The following CYFIP1 variants were observed in gnomAD, a reference collection of about 807,000 sequenced individuals.
CYFIP1 encodes the protein cytoplasmic FMR1 interacting protein 1, also known as cytoplasmic FMR1-interacting protein 1.
A neutral mutation model predicts 163.5 loss-of-function variants in CYFIP1; 58 were observed. That is an observed-to-expected ratio of 0.35 (90% CI 0.29 to 0.44). The LOEUF is 0.44. Ranked by LOEUF, CYFIP1 falls within the 20% of genes least tolerant of loss-of-function variation. The pLI, the probability that CYFIP1 is intolerant of heterozygous loss-of-function variation, is 1.00. For synonymous variants in CYFIP1, 663 were observed against 660.7 expected (o/e 1.00, Z -0.05); for missense variants, 1,338 against 1,653.8 (o/e 0.81, Z 3.31).
In CYFIP1 at chr15:22,878,863, G is replaced by A. The variant is rs543224122; in HGVS notation, c.3042+1050C>T. On this transcript the variant is annotated intron_variant, in intron 26 of 30. Coordinates refer to ENST00000617928, the MANE Select transcript of CYFIP1 (RefSeq NM_014608.6). ...GAAAAATAGGCAAAAGAGGCCGGGC[G>A]CAGTGGCTCACGCCTGTAATCCCAG... 1.0e-3 allele frequency among the ~76,000 whole-genome samples: 154 copies of A among 152,266 alleles called. 2 individuals carry two copies. Among genetic ancestry groups the A allele is most frequent in the African/African-American group, 3.6e-3 (150 of 41,564 alleles).
At chr15:22,969,960 A>C (rs1241420964) in intron 1 of CYFIP1, among the ~76,000 whole-genome samples, 1 of 152,158 alleles carries the variant, frequency 6.6e-6, no homozygotes, top group Non-Finnish European at 1.5e-5. Flanking sequence ...AACACATGAA[A>C]CTCTGGATGA....
intron 12 of CYFIP1, among the ~76,000 whole-genome samples, 189 bp downstream of exon 12, chr15:22,927,717 A>T (rs185003380): frequency 0.1 from 15,709 of 151,932 alleles, 1,070 homozygotes; most frequent in Middle Eastern, 0.19. Context: ...GATTTTTTTT[A>T]AAAAGGAGGC....
intron 25 of CYFIP1, among the ~76,000 whole-genome samples, chr15:22,880,320 G>A (rs556893120): frequency 3.9e-5 from 6 of 152,308 alleles, no homozygotes; most frequent in East Asian, 1.9e-4. Flanking sequence ...GATAGGAAAC[G>A]TCACCACATG....
At chr15:22,925,272 A>G (rs944705143) in intron 13 of CYFIP1, among the ~76,000 whole-genome samples, 2 of 152,176 alleles carry the variant, frequency 1.3e-5, no homozygotes, top group African/African-American at 4.8e-5. Flanking sequence ...AAGGAAGTCT[A>G]GGAGACAGAA....
chr15:22,978,819 T>C (rs1197899608), intron 1 of CYFIP1, among the ~76,000 whole-genome samples: 1 of 151,984 alleles, frequency 6.6e-6, no homozygotes, highest in African/African-American at 2.4e-5. Context: ...CAAGCCCACA[T>C]GTGACATTCT....
At chr15:22,934,348 A>G (rs8043426) in intron 9 of CYFIP1, among the ~76,000 whole-genome samples, 147,317 of 149,848 alleles carry the variant, frequency 0.98, 72,430 homozygotes, top group Middle Eastern at 1. Context: ...CACCACACCC[A>G]GCTAATTTTT....
rs2061345749 is a variant in CYFIP1, at chr15:22,925,989, A to G, written c.1352T>C (p.Leu451Pro). 1 of 1,613,606 alleles carries G rather than the reference A, an allele frequency of 6.2e-7. No individual in the cohort carries two copies. Among genetic ancestry groups the G allele is most frequent in the Non-Finnish European group, 8.5e-7 (1 of 1,179,732 alleles). ...YNYTSEEKFA[L>P]VEVIAMIKGL... The stretch of plus-strand genomic sequence containing the variant: ...GCGGCCGAGCATCCTCACCTCCACT[A>G]GGGCAAACTTCTCCTCGCTGGTGTA... The change falls in exon 13 of 31, where the codon CTA becomes CCA. Residue 451 changes from leucine to proline, a missense_variant. By Grantham distance (98) the Leu-to-Pro change is moderately conservative. Coordinates refer to ENST00000617928, the MANE Select transcript of CYFIP1 (RefSeq NM_014608.6).
In CYFIP1 at chr15:22,867,361, CTGAA is replaced by C. The variant is rs2059172591; in HGVS notation, c.*2663_*2666del. Reference sequence around the variant, plus strand: ...TATTTATTAAGGGAAAACTAAGTTACTGAATGAAGGAACCTCTTTCTTACAAAAC... The same window carrying C: ...TATTTATTAAGGGAAAACTAAGTTACTGAAGGAACCTCTTTCTTACAAAAC... On this transcript the variant is annotated 3_prime_UTR_variant, in exon 31 of 31. Coordinates refer to ENST00000617928, the MANE Select transcript of CYFIP1 (RefSeq NM_014608.6). The C allele has an allele frequency of 2.5e-6, 1 of 393,718 alleles. No homozygotes were observed. Among genetic ancestry groups the C allele is most frequent in the Non-Finnish European group, 4.5e-6 (1 of 223,668 alleles). 24.4% of individuals were successfully genotyped at this position (393,718 alleles called of 1,614,324 possible).
chr15:22,951,525 C>T, intron 1 of CYFIP1: 1 of 1,287,974 alleles, frequency 7.8e-7, no homozygotes, highest in Non-Finnish European at 1.0e-6. Context: ...CCCATAGGGG[C>T]TGCCCGTGTC....
At chr15:22,942,866 A>T (rs975701455) in intron 6 of CYFIP1, among the ~76,000 whole-genome samples, 2 of 152,194 alleles carry the variant, frequency 1.3e-5, no homozygotes, top group Non-Finnish European at 2.9e-5. Context: ...GTGCTCTGTG[A>T]GCTAGGCCTA....
At chr15:22,977,191 C>A (rs2063310061) in intron 1 of CYFIP1, among the ~76,000 whole-genome samples, 1 of 151,444 alleles carries the variant, frequency 6.6e-6, no homozygotes, top group Non-Finnish European at 1.5e-5. Context: ...AAGAATGAAA[C>A]TCTGTCTCAA....
chr15:22,914,776 G>T lies in CYFIP1; in HGVS notation c.1935C>A (p.Pro645=). 6.2e-7 allele frequency: 1 copy of T among 1,613,924 alleles called. No individual in the cohort carries two copies. Among genetic ancestry groups the T allele is most frequent in the Non-Finnish European group, 8.5e-7 (1 of 1,179,908 alleles). ...RIQFPIEMSM[P]WILTDHILET... ...CCAGGATGTGGTCCGTCAGGATCCAGGGCATCGACATCTCAATGGGGAACT... is the reference window on the plus strand; with the variant it reads ...CCAGGATGTGGTCCGTCAGGATCCATGGCATCGACATCTCAATGGGGAACT... Residue 645 remains proline (P), a synonymous_variant, in exon 17 of 31, where the codon CCC becomes CCA. Coordinates refer to ENST00000617928, the MANE Select transcript of CYFIP1 (RefSeq NM_014608.6).
chr15:22,958,632 G>A (rs1342924686), intron 1 of CYFIP1, among the ~76,000 whole-genome samples: 1 of 152,280 alleles, frequency 6.6e-6, no homozygotes, highest in African/African-American at 2.4e-5. Context: ...GGTCTCCCAA[G>A]ACCAAGTGGT....
chr15:22,886,565 T>C (rs984261035), intron 23 of CYFIP1, among the ~76,000 whole-genome samples: 1 of 152,228 alleles, frequency 6.6e-6, no homozygotes, highest in Non-Finnish European at 1.5e-5. Flanking sequence ...AAAAGTGTGC[T>C]AATTTCCGAG....
At chr15:22,941,304 CT>C (rs1271966492) in intron 6 of CYFIP1, among the ~76,000 whole-genome samples, 5 of 152,070 alleles carry the variant, frequency 3.3e-5, no homozygotes, top group African/African-American at 1.2e-4. Flanking sequence ...TCAAGTGATC[CT>C]TCTGCCTCAG....
intron 4 of CYFIP1, 29 bp downstream of exon 4, chr15:22,944,833 G>A (rs777532392): frequency 6.2e-7 from 1 of 1,608,322 alleles, no homozygotes; most frequent in Non-Finnish European, 8.5e-7. Context: ...GGGTGTGGCT[G>A]GAGGGGAAGA....
chr15:22,973,994 G>C (rs552583677), intron 1 of CYFIP1, among the ~76,000 whole-genome samples: 1 of 152,300 alleles, frequency 6.6e-6, no homozygotes, highest in Admixed American at 6.5e-5. Flanking sequence ...ACACCTGTCA[G>C]ACTGGCTCTT....
intron 1 of CYFIP1, among the ~76,000 whole-genome samples, chr15:22,978,820 G>A (rs540546407): frequency 8.5e-5 from 13 of 152,186 alleles, no homozygotes; most frequent in African/African-American, 3.1e-4. Context: ...AAGCCCACAT[G>A]TGACATTCTG....
chr15:22,975,672 T>C (rs945882214), intron 1 of CYFIP1, among the ~76,000 whole-genome samples: 1 of 152,080 alleles, frequency 6.6e-6, no homozygotes, highest in East Asian at 1.9e-4. Context: ...GGCAGGAGAA[T>C]GGCTTAAACC....
Sources: allele counts gnomAD v4.1 joint callset (sites outside exome capture counted in the v4.1 genomes callset), GRCh38; gene constraint gnomAD v4.1.1; transcripts MANE v1.5; gene names NCBI Gene and HGNC (gene_info 2026-07-23, HGNC 2026-07-21).